Variants in MAST4 observed in about 807,000 individuals in gnomAD.
The protein encoded by MAST4 is microtubule-associated serine/threonine-protein kinase 4.
A neutral mutation model predicts 162.7 loss-of-function variants in MAST4; 89 were observed. The observed-to-expected ratio is 0.55, with a 90% CI of 0.46 to 0.65. The LOEUF (loss-of-function observed/expected upper bound fraction) is 0.65. Among genes scored for constraint, MAST4 ranks in the 30% least tolerant of loss-of-function variants. MAST4 has a pLI of 0.00. For missense variants in MAST4, 3,153 were observed against 3,374.0 expected, an observed-to-expected ratio of 0.93 and a Z score of 1.62; for synonymous variants, 1,479 against 1,361.1, an observed-to-expected ratio of 1.09 and a Z score of -1.91.
intron 5 of MAST4, among the ~76,000 whole-genome samples, chr5:67,067,828 C>T (rs941105006): frequency 2.0e-5 from 3 of 152,200 alleles, no homozygotes; most frequent in Non-Finnish European, 4.4e-5. Flanking sequence ...ATGGGATTCA[C>T]AGCCCCTACC....
intron 4 of MAST4, among the ~76,000 whole-genome samples, chr5:67,005,961 A>G (rs555832435): frequency 6.6e-6 from 1 of 152,360 alleles, no homozygotes; most frequent in East Asian, 1.9e-4. Flanking sequence ...GCAGGCTCTC[A>G]GATTTGGAGC....
chr5:66,722,105 T>C (rs965407566), intron 1 of MAST4, among the ~76,000 whole-genome samples: 1 of 151,914 alleles, frequency 6.6e-6, no homozygotes, highest in African/African-American at 2.4e-5. Flanking sequence ...GCAGCCAGAG[T>C]GATCCTTTTG....
At chr5:66,901,536 A>G (rs988897674) in intron 4 of MAST4, among the ~76,000 whole-genome samples, 7 of 152,140 alleles carry the variant, frequency 4.6e-5, no homozygotes, top group South Asian at 2.1e-4. Context: ...TGAAAAAAGA[A>G]TAATGACATA....
intron 24 of MAST4, among the ~76,000 whole-genome samples, chr5:67,152,259 T>C (rs918662317): frequency 1.3e-5 from 2 of 152,234 alleles, no homozygotes; most frequent in Non-Finnish European, 2.9e-5. Flanking sequence ...TTGAAATATA[T>C]GCATCTATGA....
intron 14 of MAST4, among the ~76,000 whole-genome samples, chr5:67,122,339 A>T (rs971606266): frequency 5.9e-5 from 9 of 152,214 alleles, no homozygotes; most frequent in Admixed American, 5.2e-4. Context: ...CCACACCATT[A>T]ACTTAAGAAC....
In MAST4 at chr5:66,798,825, A is replaced by G. The variant is rs149125531; in HGVS notation, c.642+10031A>G. On this transcript the variant is annotated intron_variant, in intron 3 of 28. Transcript: ENST00000403625. ...TAGAGATGCATCCTGCCTTGTTTAT[A>G]TGGGTGCTTAGTTAGGTTTGTACGG... is the stretch of plus-strand genomic sequence containing the variant. Among the ~76,000 whole-genome samples, 7 of 152,200 alleles carry G rather than the reference A, an allele frequency of 4.6e-5. No individual in the cohort carries two copies. In the East Asian group the frequency reaches 9.6e-4, roughly 21 times the overall value.
intron 4 of MAST4, among the ~76,000 whole-genome samples, chr5:66,908,635 G>A (rs1373843751): frequency 6.6e-6 from 1 of 152,158 alleles, no homozygotes; most frequent in African/African-American, 2.4e-5. Context: ...TCAGAATAAA[G>A]TAGGATTGGG....
intron 3 of MAST4, among the ~76,000 whole-genome samples, chr5:66,799,562 A>G (rs1259471674): frequency 1.3e-5 from 2 of 152,176 alleles, no homozygotes; most frequent in Non-Finnish European, 2.9e-5. Flanking sequence ...GGTTGTGCCT[A>G]TAGCACCTCT....
At chr5:66,653,935 T>A (rs2149451209) in intron 1 of MAST4, among the ~76,000 whole-genome samples, 1 of 152,304 alleles carries the variant, frequency 6.6e-6, no homozygotes, top group African/African-American at 2.4e-5. Flanking sequence ...CCTGGCATAG[T>A]GCTGAACCAC....
At chr5:66,809,736 G>T (rs1756386560) in intron 3 of MAST4, among the ~76,000 whole-genome samples, 1 of 151,994 alleles carries the variant, frequency 6.6e-6, no homozygotes, top group Non-Finnish European at 1.5e-5. Flanking sequence ...TAAAATATAT[G>T]ACTTTTTGTT....
At chr5:67,124,073 T>C (rs1346359968) in intron 14 of MAST4, among the ~76,000 whole-genome samples, 3 of 152,244 alleles carry the variant, frequency 2.0e-5, no homozygotes, top group Non-Finnish European at 4.4e-5. Context: ...CATTCTGCTC[T>C]AGATCCTGTC....
chr5:67,161,373 C>A (rs56831206), intron 27 of MAST4, among the ~76,000 whole-genome samples: 1 of 152,104 alleles, frequency 6.6e-6, no homozygotes, highest in East Asian at 1.9e-4. Context: ...TTTCATATGG[C>A]CCAGCTGTGA....
intron 1 of MAST4, among the ~76,000 whole-genome samples, chr5:66,665,972 T>A (rs541216040): frequency 1.3e-4 from 20 of 152,328 alleles, no homozygotes; most frequent in African/African-American, 4.8e-4. Context: ...ACATTGAATG[T>A]ACGTTAGAGC....
intron 1 of MAST4, among the ~76,000 whole-genome samples, chr5:66,600,261 T>C (rs1742469374): frequency 6.6e-6 from 1 of 152,220 alleles, no homozygotes. Context: ...AAACTGTATC[T>C]GACTTTGGCT....
chr5:67,116,773 G>A (rs978574493), intron 12 of MAST4, among the ~76,000 whole-genome samples: 4 of 151,972 alleles, frequency 2.6e-5, no homozygotes, highest in South Asian at 2.1e-4. Context: ...CCGAGATGGC[G>A]CCATTGCACT....
chr5:67,005,503 A>C (rs1356471499), intron 4 of MAST4, among the ~76,000 whole-genome samples: 1 of 152,160 alleles, frequency 6.6e-6, no homozygotes, highest in Admixed American at 6.5e-5. Context: ...TGACCTTTAT[A>C]AGATGCAGAT....
At chr5:67,133,149 T>G (rs924342301) in intron 16 of MAST4, among the ~76,000 whole-genome samples, 12 of 152,132 alleles carry the variant, frequency 7.9e-5, no homozygotes, top group African/African-American at 2.7e-4. Flanking sequence ...ACAAATGGGT[T>G]GCTTAGTTCC....
At chr5:66,753,421 A>G (rs1753316251) in intron 1 of MAST4, among the ~76,000 whole-genome samples, 1 of 151,620 alleles carries the variant, frequency 6.6e-6, no homozygotes, top group Non-Finnish European at 1.5e-5. Context: ...AATAAAGAAA[A>G]AAAGAGAGAA....
intron 4 of MAST4, among the ~76,000 whole-genome samples, chr5:67,025,891 A>G (rs1754584197): frequency 6.6e-6 from 1 of 152,150 alleles, no homozygotes; most frequent in Non-Finnish European, 1.5e-5. Flanking sequence ...ACTTTAAAGG[A>G]GTCTGTATCT....
Sources: gnomAD v4.1 joint callset for allele counts (sites outside exome capture counted in the v4.1 genomes callset) on GRCh38, gnomAD v4.1.1 for gene constraint, MANE v1.5 for transcripts, NCBI Gene and HGNC (gene_info 2026-07-23, HGNC 2026-07-21) for gene names.